The following IGF2BP2 variants were observed in gnomAD, a reference collection of about 807,000 sequenced individuals.
IGF2BP2 encodes insulin like growth factor 2 mRNA binding protein 2, also known as insulin-like growth factor 2 mRNA-binding protein 2.
Under a neutral mutation model 75.8 loss-of-function variants are expected in IGF2BP2, and 17 were observed. The observed-to-expected ratio is 0.22, with a 90% CI of 0.15 to 0.34. The LOEUF (loss-of-function observed/expected upper bound fraction) is 0.34, where lower values mean the gene tolerates loss of function less well. Ranked by LOEUF, IGF2BP2 falls within the 10% of genes least tolerant of loss-of-function variation. The pLI is 1.00. For missense variants in IGF2BP2, 516 were observed against 772.4 expected, an observed-to-expected ratio of 0.67 and a Z score of 3.93; for synonymous variants, 288 against 295.6, an observed-to-expected ratio of 0.97 and a Z score of 0.26.
chr3:185,757,057 CG>C (rs1560420956), intron 2 of IGF2BP2, among the ~76,000 whole-genome samples: 1 of 152,150 alleles, frequency 6.6e-6, no homozygotes, highest in East Asian at 1.9e-4. Context: ...TGGTTCTAGC[CG>C]TATCTCTATC....
intron 2 of IGF2BP2, among the ~76,000 whole-genome samples, chr3:185,761,179 G>A (rs935640580): frequency 2.6e-5 from 4 of 152,064 alleles, no homozygotes; most frequent in Admixed American, 6.6e-5. Context: ...TCCAACGAAA[G>A]GATACAGAAG....
intron 2 of IGF2BP2, among the ~76,000 whole-genome samples, chr3:185,802,349 G>A (rs73175577): frequency 0.089 from 8,349 of 93,998 alleles, 331 homozygotes; most frequent in South Asian, 0.19. Context: ...AATACCTAAG[G>A]CTGGTGTTGG....
chr3:185,710,861 G>A (rs1000756895), intron 2 of IGF2BP2, among the ~76,000 whole-genome samples: 2 of 150,978 alleles, frequency 1.3e-5, no homozygotes, highest in African/African-American at 4.9e-5. Context: ...AGGGTAGCCA[G>A]AAAAATAGCT....
At chr3:185,796,086 C>T (rs966156599) in intron 2 of IGF2BP2, among the ~76,000 whole-genome samples, 1 of 152,106 alleles carries the variant, frequency 6.6e-6, no homozygotes, top group Non-Finnish European at 1.5e-5. Flanking sequence ...GTATGAATTT[C>T]CACAGGCAGG....
At chr3:185,722,207 T>A (rs554160326) in intron 2 of IGF2BP2, 58 of 455,768 alleles carry the variant, frequency 1.3e-4, no homozygotes, top group African/African-American at 1.0e-3. Context: ...GTGCTGGGAC[T>A]ACAGGCACAT....
At chr3:185,771,133 AC>A (rs1207295194) in intron 2 of IGF2BP2, among the ~76,000 whole-genome samples, 8 of 152,264 alleles carry the variant, frequency 5.3e-5, no homozygotes, top group African/African-American at 1.9e-4. Flanking sequence ...AAGGAGGCCT[AC>A]AAAACTTGAA....
intron 12 of IGF2BP2, among the ~76,000 whole-genome samples, chr3:185,653,036 C>A (rs1454937358): frequency 6.6e-6 from 1 of 152,072 alleles, no homozygotes; most frequent in Non-Finnish European, 1.5e-5. Context: ...GTCTCAAAGT[C>A]CTCCAAAGAA....
At chr3:185,702,393 A>G (rs1723429726) in intron 2 of IGF2BP2, among the ~76,000 whole-genome samples, 1 of 152,118 alleles carries the variant, frequency 6.6e-6, no homozygotes, top group Non-Finnish European at 1.5e-5. Flanking sequence ...GTCTCAAATG[A>G]GAGTATCGAT....
chr3:185,798,978 G>T (rs2149919483), intron 2 of IGF2BP2, among the ~76,000 whole-genome samples: 1 of 151,902 alleles, frequency 6.6e-6, no homozygotes, highest in East Asian at 2.0e-4. Context: ...GTTTCACCAT[G>T]TTGTCCAGGC....
chr3:185,812,717 C>G (rs751399571), intron 2 of IGF2BP2, among the ~76,000 whole-genome samples: 1 of 152,194 alleles, frequency 6.6e-6, no homozygotes, highest in Non-Finnish European at 1.5e-5. Flanking sequence ...AAAACAGCAA[C>G]AAATGCAGTT....
rs191913654 is a variant in IGF2BP2, at chr3:185,755,703, T to G, written c.240-57356A>C. On this transcript the variant is annotated intron_variant, in intron 2 of 15. Coordinates refer to ENST00000382199, the MANE Select transcript of IGF2BP2 (RefSeq NM_006548.6). The stretch of plus-strand genomic sequence containing the variant: ...TGGAGCTGTAAGATTTAATGCCTGC[T>G]CTACTGGGTTTCAGACTTGCATGGG... 3.3e-5 allele frequency among the ~76,000 whole-genome samples: 5 copies of G among 152,380 alleles called. No homozygotes were observed. In the East Asian group the frequency reaches 9.6e-4, roughly 29 times the overall value.
intron 2 of IGF2BP2, 86 bp from the exon 3 acceptor site, chr3:185,698,433 T>G: frequency 7.9e-7 from 1 of 1,262,600 alleles, no homozygotes; most frequent in Non-Finnish European, 1.1e-6. Flanking sequence ...ACCCGTCATT[T>G]GAATTTGTTT....
intron 2 of IGF2BP2, among the ~76,000 whole-genome samples, chr3:185,769,852 A>G (rs2149741972): frequency 6.8e-6 from 1 of 147,070 alleles, no homozygotes; most frequent in South Asian, 2.1e-4. Flanking sequence ...AAAAAAAAAA[A>G]AGAAACAATT....
At position 185,816,441 on chromosome 3, in the gene IGF2BP2, T is replaced by C. The variant is rs115237632; in HGVS notation, c.239+6712A>G. 3.2e-3 allele frequency among the ~76,000 whole-genome samples: 486 copies of C among 152,328 alleles called. 1 individual carries two copies. Among genetic ancestry groups the C allele is most frequent in the African/African-American group, 0.011 (464 of 41,570 alleles). ...GATCACTCAGACTGATGTAGCATCATTGCAAAGGTTCAATTCACAAATGTA... is the reference window on the plus strand; with the variant it reads ...GATCACTCAGACTGATGTAGCATCACTGCAAAGGTTCAATTCACAAATGTA... On this transcript the variant is annotated intron_variant, in intron 2 of 15. Transcript: ENST00000382199.
chr3:185,774,787 A>C (rs994466487), intron 2 of IGF2BP2, among the ~76,000 whole-genome samples: 1 of 151,952 alleles, frequency 6.6e-6, no homozygotes, highest in Non-Finnish European at 1.5e-5. Context: ...GCAGATCACA[A>C]GGTCACGGCA....
intron 2 of IGF2BP2, among the ~76,000 whole-genome samples, chr3:185,711,603 A>G (rs534515931): frequency 5.9e-5 from 9 of 152,212 alleles, no homozygotes; most frequent in Non-Finnish European, 1.3e-4. Flanking sequence ...AGAGGTGCAC[A>G]TGGGAGTCAA....
intron 2 of IGF2BP2, among the ~76,000 whole-genome samples, chr3:185,770,703 G>A (rs1053342538): frequency 1.3e-5 from 2 of 152,204 alleles, no homozygotes; most frequent in Non-Finnish European, 2.9e-5. Flanking sequence ...GTCACAGTCA[G>A]AGCAGCACAA....
chr3:185,684,833 A>T (rs1439272400), intron 7 of IGF2BP2, among the ~76,000 whole-genome samples: 2 of 151,396 alleles, frequency 1.3e-5, no homozygotes, highest in Non-Finnish European at 2.9e-5. Context: ...AAAAAATGGT[A>T]TGTGGGGAAG....
At position 185,672,679 on chromosome 3, in the gene IGF2BP2, G is replaced by A. The variant is rs763248010; in HGVS notation, c.1072-10C>T. ...TCAGATTGGCTTGTTGCTGGGAATA[G>A]AAATGGAGAAAAAAGATGAAGGGAG... On this transcript the variant is annotated splice_polypyrimidine_tract_variant and intron_variant, in intron 9 of 15. Coordinates refer to ENST00000382199, the MANE Select transcript of IGF2BP2 (RefSeq NM_006548.6). The A allele has an allele frequency of 2.5e-6, 4 of 1,614,024 alleles. No individual in the cohort carries two copies. Among genetic ancestry groups the A allele is most frequent in the Middle Eastern group, 3.3e-4 (2 of 6,058 alleles).
Sources: allele counts gnomAD v4.1 joint callset (sites outside exome capture counted in the v4.1 genomes callset), GRCh38; gene constraint gnomAD v4.1.1; transcripts MANE v1.5; gene names NCBI Gene and HGNC (gene_info 2026-07-23, HGNC 2026-07-21).